Variants in SCMH1 observed in about 807,000 individuals in gnomAD.
SCMH1 encodes the protein polycomb protein SCMH1.
SCMH1 carries 37 observed loss-of-function variants against 70.8 expected under a neutral mutation model. That is an observed-to-expected ratio of 0.52 (90% CI 0.40 to 0.69). The LOEUF (loss-of-function observed/expected upper bound fraction) is 0.69, where lower values mean the gene tolerates loss of function less well. Ranked by LOEUF, SCMH1 falls within the 30% of genes least tolerant of loss-of-function variation. The probability of loss-of-function intolerance (pLI) is 0.00; values close to 1 mark genes in which losing one functional copy is unlikely to be tolerated. For synonymous variants in SCMH1, 292 were observed against 307.4 expected, an observed-to-expected ratio of 0.95 and a Z score of 0.52; for missense variants, 607 against 827.3, an observed-to-expected ratio of 0.73 and a Z score of 3.27.
chr1:41,127,442 A>G (rs1179685210), intron 6 of SCMH1, among the ~76,000 whole-genome samples: 1 of 152,192 alleles, frequency 6.6e-6, no homozygotes, highest in African/African-American at 2.4e-5. Flanking sequence ...GTGTTTTCCT[A>G]GTACTTATAT....
chr1:41,056,673 A>G (rs928671197), intron 10 of SCMH1, among the ~76,000 whole-genome samples: 5 of 152,164 alleles, frequency 3.3e-5, no homozygotes, highest in African/African-American at 1.2e-4. Flanking sequence ...AGACAGGTGA[A>G]TAAGCCGAAG....
chr1:41,100,251 G>C (rs1306086491), intron 8 of SCMH1, among the ~76,000 whole-genome samples: 1 of 152,146 alleles, frequency 6.6e-6, no homozygotes, highest in African/African-American at 2.4e-5. Context: ...GGTGATAAAA[G>C]AGAATTGTAA....
intron 10 of SCMH1, among the ~76,000 whole-genome samples, chr1:41,053,283 T>TA (rs1330282020): frequency 1.3e-5 from 2 of 152,002 alleles, no homozygotes; most frequent in African/African-American, 2.4e-5. Flanking sequence ...GGTGATGATT[T>TA]AAAAAAATCT....
intron 13 of SCMH1, among the ~76,000 whole-genome samples, 166 bp downstream of exon 13, chr1:41,037,196 A>G (rs574310133): frequency 7.9e-5 from 12 of 152,168 alleles, no homozygotes; most frequent in African/African-American, 1.2e-4. Flanking sequence ...TGGAGCTCCA[A>G]TTACCTCCCA....
intron 1 of SCMH1, among the ~76,000 whole-genome samples, chr1:41,202,998 T>A (rs930475394): frequency 6.9e-6 from 1 of 145,738 alleles, no homozygotes; most frequent in Non-Finnish European, 1.5e-5. Flanking sequence ...CTTTTACATT[T>A]TTCTAGTAGT....
chr1:41,053,111 T>A (rs1266249509), intron 10 of SCMH1, among the ~76,000 whole-genome samples: 1 of 5,610 alleles, frequency 1.8e-4, no homozygotes, highest in Non-Finnish European at 2.5e-4. Context: ...AGAGATGGGG[T>A]TTCACCATTG....
intron 8 of SCMH1, among the ~76,000 whole-genome samples, chr1:41,112,442 C>T (rs213732): frequency 0.84 from 127,120 of 152,102 alleles, 53,439 homozygotes; most frequent in East Asian, 0.97. Context: ...CTATTCTGGA[C>T]CTTCTCCACT....
chr1:41,200,927 C>T (rs1377122579), intron 1 of SCMH1, among the ~76,000 whole-genome samples: 2 of 145,484 alleles, frequency 1.4e-5, no homozygotes, highest in Non-Finnish European at 3.1e-5. Flanking sequence ...CTAACCTTTA[C>T]CATTTTTTTT....
At chr1:41,142,796 G>C in intron 6 of SCMH1, 82 bp downstream of exon 6, 1 of 1,216,612 alleles carries the variant, frequency 8.2e-7, no homozygotes, top group Non-Finnish European at 1.2e-6. Context: ...GGGTACCCTA[G>C]GCTTTCCCAT....
intron 2 of SCMH1, among the ~76,000 whole-genome samples, chr1:41,183,913 A>T (rs1649486754): frequency 6.6e-6 from 1 of 152,188 alleles, no homozygotes; most frequent in Non-Finnish European, 1.5e-5. Flanking sequence ...CAGATTTACC[A>T]GTTCAGTCAT....
chr1:41,037,148 T>C (rs1460918702), intron 13 of SCMH1, among the ~76,000 whole-genome samples: 2 of 152,178 alleles, frequency 1.3e-5, no homozygotes, highest in Non-Finnish European at 2.9e-5. Flanking sequence ...TGGGTCTAGG[T>C]CTTTGGCTCT....
chr1:41,175,215 G>A (rs1196585939), intron 2 of SCMH1, among the ~76,000 whole-genome samples: 1 of 152,190 alleles, frequency 6.6e-6, no homozygotes, highest in Non-Finnish European at 1.5e-5. Flanking sequence ...AATCCACTGA[G>A]GGTCCAAATA....
At chr1:41,214,376 TAA>T (rs552120057) in intron 1 of SCMH1, among the ~76,000 whole-genome samples, 145 of 152,260 alleles carry the variant, frequency 9.5e-4, no homozygotes, top group African/African-American at 3.4e-3. Context: ...ATAAATAACT[TAA>T]GTGTCAAAGT....
intron 1 of SCMH1, among the ~76,000 whole-genome samples, chr1:41,207,422 CA>C (rs1655820865): frequency 6.6e-6 from 1 of 151,946 alleles, no homozygotes; most frequent in Non-Finnish European, 1.5e-5. Context: ...TTTAAACCAG[CA>C]AAGATCAAAA....
chr1:41,056,804 G>A (rs564466286), intron 10 of SCMH1, among the ~76,000 whole-genome samples: 1 of 152,304 alleles, frequency 6.6e-6, no homozygotes, highest in African/African-American at 2.4e-5. Context: ...GGAGGAGGGG[G>A]AAACTTTTGT....
intron 9 of SCMH1, 33 bp from the exon 10 acceptor site, chr1:41,070,754 C>G: frequency 6.2e-7 from 1 of 1,611,834 alleles, no homozygotes; most frequent in East Asian, 2.2e-5. Flanking sequence ...AATTGCTACC[C>G]ATGACAGGTC....
At chr1:41,178,913 C>A (rs139209599) in intron 2 of SCMH1, among the ~76,000 whole-genome samples, 239 of 152,316 alleles carry the variant, frequency 1.6e-3, no homozygotes, top group African/African-American at 5.4e-3. Context: ...ACTCCCCACC[C>A]CAAATCAACA....
chr1:41,163,731 T>C (rs1646226611), intron 2 of SCMH1, among the ~76,000 whole-genome samples: 1 of 152,136 alleles, frequency 6.6e-6, no homozygotes, highest in South Asian at 2.1e-4. Flanking sequence ...CCTTCAGAAT[T>C]GTGAGGAAAT....
chr1:41,142,044 T>C (rs1644133796), intron 6 of SCMH1, among the ~76,000 whole-genome samples: 1 of 152,214 alleles, frequency 6.6e-6, no homozygotes, highest in Non-Finnish European at 1.5e-5. Flanking sequence ...GATAAAATTA[T>C]ATTGACTTCA....
Sources: allele counts gnomAD v4.1 joint callset (sites outside exome capture counted in the v4.1 genomes callset), GRCh38; gene constraint gnomAD v4.1.1; transcripts MANE v1.5; gene names NCBI Gene and HGNC (gene_info 2026-07-23, HGNC 2026-07-21).